Variants in CHD9 observed in about 807,000 individuals in gnomAD.
CHD9 encodes chromodomain helicase DNA binding protein 9.
A neutral mutation model predicts 316.1 loss-of-function variants in CHD9; 77 were observed. The observed-to-expected ratio is 0.24, with a 90% confidence interval of 0.20 to 0.29. The LOEUF is 0.29. Ranked by LOEUF, CHD9 falls within the 10% of genes least tolerant of loss-of-function variation. The pLI is 1.00. For synonymous variants in CHD9, 1,129 were observed against 1,158.3 expected (o/e 0.97, Z 0.51); for missense variants, 2,763 against 3,438.1 (o/e 0.80, Z 4.91).
chr16:53,138,419 A>G (rs1199072878), intron 1 of CHD9, among the ~76,000 whole-genome samples: 1 of 152,224 alleles, frequency 6.6e-6, no homozygotes, highest in Non-Finnish European at 1.5e-5. Context: ...ACATGAAATC[A>G]CTGCGTAGAA....
chr16:53,209,446 TGG>T, intron 2 of CHD9, 34 bp from the exon 3 acceptor site: 12 of 1,328,026 alleles, frequency 9.0e-6, no homozygotes, highest in South Asian at 4.3e-5. Flanking sequence ...AGATGTACTT[TGG>T]TATATTCTAT....
intron 34 of CHD9, among the ~76,000 whole-genome samples, chr16:53,310,280 C>G (rs1306241210): frequency 6.6e-6 from 1 of 152,070 alleles, no homozygotes; most frequent in African/African-American, 2.4e-5. Context: ...TTACAGTCGC[C>G]CAAATTATAC....
chr16:53,071,222 C>G (rs926720923), intron 1 of CHD9, among the ~76,000 whole-genome samples: 12 of 152,004 alleles, frequency 7.9e-5, no homozygotes, highest in African/African-American at 2.9e-4. Flanking sequence ...AAATTTATTC[C>G]TAAGTATTAT....
chr16:53,231,383 T>G (rs771924362), intron 8 of CHD9, 36 bp from the exon 9 acceptor site: 33 of 1,200,352 alleles, frequency 2.7e-5, no homozygotes, highest in Non-Finnish European at 3.9e-5. Flanking sequence ...TTCCAGTTCT[T>G]TGTCAGATGT....
At chr16:53,292,487 A>G (rs2054424880) in intron 28 of CHD9, among the ~76,000 whole-genome samples, 1 of 152,214 alleles carries the variant, frequency 6.6e-6, no homozygotes, top group African/African-American at 2.4e-5. Flanking sequence ...GGCTTCCATT[A>G]GAAGCGTTTA....
chr16:53,318,124 A>G, intron 36 of CHD9, 88 bp from the exon 37 acceptor site: 1 of 1,053,984 alleles, frequency 9.5e-7, no homozygotes. Context: ...AAATGCTATT[A>G]AATTACTTGG....
Position 53,106,990 on chromosome 16 carries a change from T to A in CHD9, c.-164-48936T>A, listed in dbSNP as rs189060688. Reference sequence around the variant, plus strand: ...TTAGAATGACTTCGAATGAGAAAATTAAGTTGTAGAATAAGAGTACACTAC... The same window carrying A: ...TTAGAATGACTTCGAATGAGAAAATAAAGTTGTAGAATAAGAGTACACTAC... On this transcript the variant is annotated intron_variant, in intron 1 of 38. Coordinates refer to ENST00000447540, the MANE Select transcript of CHD9 (RefSeq NM_001308319.2). 2.1e-3 allele frequency among the ~76,000 whole-genome samples: 313 copies of A among 152,180 alleles called. 3 individuals carry two copies. Among genetic ancestry groups the A allele is most frequent in the South Asian group, 0.011 (55 of 4,814 alleles).
In CHD9 at chr16:53,324,073, A is replaced by G; in HGVS notation, c.7872A>G (p.Arg2624=). ...YERILTGPVV[R]EEVSRRGRRP... Reference sequence around the variant, plus strand: ...GTATTCTCACTGGTCCCGTTGTGAGAGAGGAAGTAAGCAGGCGGGGGAGAC... The same window carrying G: ...GTATTCTCACTGGTCCCGTTGTGAGGGAGGAAGTAAGCAGGCGGGGGAGAC... The change falls in exon 39 of 39, where the codon AGA becomes AGG. Residue 2624 remains arginine (R), a synonymous_variant. Transcript: ENST00000447540. 6.2e-7 allele frequency: 1 copy of G among 1,613,880 alleles called. No homozygotes were observed. The highest frequency in any genetic ancestry group is 8.5e-7 in the Non-Finnish European group (1 of 1,179,828).
At chr16:53,211,524 AT>A (rs970191173) in intron 3 of CHD9, among the ~76,000 whole-genome samples, 1 of 151,786 alleles carries the variant, frequency 6.6e-6, no homozygotes, top group Non-Finnish European at 1.5e-5. Flanking sequence ...TGTACTAGAA[AT>A]TTTTTTTTGT....
chr16:53,208,604 A>G, intron 2 of CHD9: 15 of 1,002,348 alleles, frequency 1.5e-5, no homozygotes, highest in Non-Finnish European at 1.8e-5. Flanking sequence ...TTGATGAGGC[A>G]GGTATAGAAA....
chr16:53,138,449 C>T (rs1309474342), intron 1 of CHD9, among the ~76,000 whole-genome samples: 1 of 152,072 alleles, frequency 6.6e-6, no homozygotes, highest in East Asian at 1.9e-4. Flanking sequence ...TCGTATTAAA[C>T]TACTTTAAAT....
At chr16:53,092,769 A>ATTAT (rs533269952) in intron 1 of CHD9, among the ~76,000 whole-genome samples, 6,172 of 151,666 alleles carry the variant, frequency 0.041, 130 homozygotes, top group African/African-American at 0.063. Flanking sequence ...CACCTTTATT[A>ATTAT]TTATTTATTT....
chr16:53,075,518 C>A (rs1347528313), intron 1 of CHD9, among the ~76,000 whole-genome samples: 1 of 152,030 alleles, frequency 6.6e-6, no homozygotes, highest in Non-Finnish European at 1.5e-5. Flanking sequence ...TGGGAGGGAC[C>A]CAGTGGGAGA....
Position 53,065,183 on chromosome 16 carries a change from A to G in CHD9, c.-165+10106A>G, listed in dbSNP as rs573618825. Among the ~76,000 whole-genome samples the G allele has an allele frequency of 2.0e-5, 3 of 152,182 alleles. No homozygotes were observed. In the South Asian group the frequency reaches 6.2e-4, roughly 32 times the overall value. On this transcript the variant is annotated intron_variant, in intron 1 of 38. Coordinates refer to ENST00000447540, the MANE Select transcript of CHD9 (RefSeq NM_001308319.2). Reference sequence around the variant, plus strand: ...ATGAGTGATTTTAATCACCAGGAAAACCTAAGATATTTGTACCCTCTGAGG... The same window carrying G: ...ATGAGTGATTTTAATCACCAGGAAAGCCTAAGATATTTGTACCCTCTGAGG...
intron 1 of CHD9, among the ~76,000 whole-genome samples, chr16:53,144,802 G>T (rs2040430824): frequency 6.6e-6 from 1 of 152,172 alleles, no homozygotes; most frequent in South Asian, 2.1e-4. Flanking sequence ...GGGATTACAG[G>T]CGTGAGCCAC....
At chr16:53,236,268 C>T (rs563082689) in intron 11 of CHD9, among the ~76,000 whole-genome samples, 36 of 152,138 alleles carry the variant, frequency 2.4e-4, no homozygotes, top group African/African-American at 7.9e-4. Flanking sequence ...ACAGTTCTGC[C>T]CCCTTCACTC....
intron 29 of CHD9, 105 bp downstream of exon 29, chr16:53,293,157 ATGT>A (rs1489455482): frequency 1.2e-5 from 12 of 1,007,578 alleles, no homozygotes; most frequent in Non-Finnish European, 1.8e-5. Flanking sequence ...CATACATAGA[ATGT>A]TGGTCAAAGC....
At position 53,149,721 on chromosome 16, in the gene CHD9, A is replaced by AAT. The variant is rs374772728; in HGVS notation, c.-164-6190_-164-6189dup. 9.6e-3 allele frequency among the ~76,000 whole-genome samples: 1,230 copies of AAT among 128,334 alleles called. 28 individuals carry two copies. Among genetic ancestry groups the AAT allele is most frequent in the African/African-American group, 0.031 (1,161 of 36,998 alleles). The allele number at this position is 128,334 out of a possible 152,430, so 84.2% of individuals were successfully genotyped here. ...GCACCATCACACTGGCTAATTTAAAAATATATATATATATATTTTGTAGAA... is the reference window on the plus strand; with the variant it reads ...GCACCATCACACTGGCTAATTTAAAAATATATATATATATATATTTTGTAGAA... On this transcript the variant is annotated intron_variant, in intron 1 of 38. Coordinates refer to ENST00000447540, the MANE Select transcript of CHD9 (RefSeq NM_001308319.2).
chr16:53,117,428 T>A (rs866220362), intron 1 of CHD9, among the ~76,000 whole-genome samples: 3 of 143,552 alleles, frequency 2.1e-5, no homozygotes, highest in Non-Finnish European at 4.6e-5. Flanking sequence ...ATATATATAT[T>A]TTTGGAAACA....
Sources: allele counts gnomAD v4.1 joint callset (sites outside exome capture counted in the v4.1 genomes callset), GRCh38; gene constraint gnomAD v4.1.1; transcripts MANE v1.5; gene names NCBI Gene and HGNC (gene_info 2026-07-23, HGNC 2026-07-21).